NFIB: variants seen among roughly 807,000 people sequenced by gnomAD.
The protein encoded by NFIB is nuclear factor 1 B-type.
Under a neutral mutation model 61.5 loss-of-function variants are expected in NFIB, and 11 were observed. That is an observed-to-expected ratio of 0.18 (90% confidence interval 0.11 to 0.30). The LOEUF (loss-of-function observed/expected upper bound fraction) is 0.30, where lower values mean the gene tolerates loss of function less well. NFIB is among the 10% of genes least tolerant of loss of function. The pLI, the probability that NFIB is intolerant of heterozygous loss-of-function variation, is 1.00. For missense variants in NFIB, 471 were observed against 608.9 expected, an observed-to-expected ratio of 0.77 and a Z score of 2.38; for synonymous variants, 260 against 216.5, an observed-to-expected ratio of 1.20 and a Z score of -1.76.
intron 1 of NFIB, among the ~76,000 whole-genome samples, chr9:14,310,166 A>G (rs2060214215): frequency 6.6e-6 from 1 of 152,236 alleles, no homozygotes; most frequent in South Asian, 2.1e-4. Flanking sequence ...TTGAAGGTTG[A>G]ATTTGAAAAT....
At chr9:14,415,209 A>C in the NFIB span, among the ~76,000 whole-genome samples, 2 of 152,138 alleles carry the variant, frequency 1.3e-5, no homozygotes, top group Admixed American at 6.5e-5. Context: ...CTGGCTATTG[A>C]TTAGAGACTG....
chr9:14,387,195 C>T (rs1429619074), intron 1 of NFIB, among the ~76,000 whole-genome samples: 2 of 152,170 alleles, frequency 1.3e-5, no homozygotes, highest in Non-Finnish European at 2.9e-5. Flanking sequence ...ATTTTTTATA[C>T]TGGCTTTTGC....
intron 1 of NFIB, among the ~76,000 whole-genome samples, chr9:14,388,232 G>C (rs982959483): frequency 6.6e-6 from 1 of 152,090 alleles, no homozygotes; most frequent in Non-Finnish European, 1.5e-5. Context: ...ATGCAGCCAG[G>C]TGTGGTGGTA....
Position 14,113,089 on chromosome 9 carries a change from A to C in NFIB, c.1385-8T>G. On this transcript the variant is annotated splice_region_variant and splice_polypyrimidine_tract_variant and intron_variant, in intron 9 of 10. Transcript: ENST00000380953. ...TGCCTGAGGCTGTGTAGGCTGATTA[A>C]GGAAGAACAAAAACAAAGATAAAAA... 6.5e-7 allele frequency: 1 copy of C among 1,548,272 alleles called. No individual in the cohort carries two copies.
the NFIB span, among the ~76,000 whole-genome samples, chr9:14,498,205 T>C: frequency 6.6e-6 from 1 of 152,192 alleles, no homozygotes; most frequent in Non-Finnish European, 1.5e-5. Context: ...TCTCCAAAGT[T>C]TGTGCTCTTT....
chr9:14,409,641 C>A, the NFIB span, among the ~76,000 whole-genome samples: 1 of 152,196 alleles, frequency 6.6e-6, no homozygotes. Context: ...ACACAGCTCA[C>A]CTTTCCCCAC....
chr9:14,333,682 TGTC>T (rs1414122951), intron 1 of NFIB, among the ~76,000 whole-genome samples: 1 of 152,170 alleles, frequency 6.6e-6, no homozygotes, highest in Non-Finnish European at 1.5e-5. Flanking sequence ...AAAAAGAAAT[TGTC>T]GTGTGGTCAT....
intron 3 of NFIB, among the ~76,000 whole-genome samples, chr9:14,156,893 T>C (rs2043481148): frequency 2.6e-5 from 4 of 152,206 alleles, no homozygotes; most frequent in Admixed American, 2.6e-4. Context: ...GCAATTTGAC[T>C]GGATTTTACA....
chr9:14,236,928 T>C (rs1272427911), intron 2 of NFIB, among the ~76,000 whole-genome samples: 1 of 152,158 alleles, frequency 6.6e-6, no homozygotes, highest in Admixed American at 6.5e-5. Flanking sequence ...CCCTAAGTTC[T>C]TTCCTAACCC....
chr9:14,247,935 C>CTTTTTTTTTTT (rs1051234569), intron 2 of NFIB, among the ~76,000 whole-genome samples: 1 of 138,144 alleles, frequency 7.2e-6, no homozygotes, highest in Non-Finnish European at 1.6e-5. Context: ...TTCTTTTTTT[C>CTTTTTTTTTTT]TTTTTTTTTT....
rs140065451 is a variant in NFIB at position 14,298,583 on chromosome 9, A to T, written c.562+8406T>A. Among the ~76,000 whole-genome samples the T allele has an allele frequency of 2.5e-3, 386 of 152,260 alleles. 2 individuals carry two copies. The highest frequency in any genetic ancestry group is 8.4e-3 in the African/African-American group (350 of 41,556). On this transcript the variant is annotated intron_variant, in intron 2 of 10. Coordinates refer to ENST00000380953, the MANE Select transcript of NFIB (RefSeq NM_001190737.2). The stretch of plus-strand genomic sequence containing the variant: ...AATTTGTCCCCATCACTGTCAGCAA[A>T]CAAAAGAAAGTCACTTCTACAGCCA...
At chr9:14,349,077 G>C (rs1471221171) in intron 1 of NFIB, among the ~76,000 whole-genome samples, 1 of 152,238 alleles carries the variant, frequency 6.6e-6, no homozygotes, top group Admixed American at 6.5e-5. Context: ...TCTCGCACGA[G>C]TTGCTTGAGG....
chr9:14,474,874 T>A, the NFIB span, among the ~76,000 whole-genome samples: 1 of 152,186 alleles, frequency 6.6e-6, no homozygotes, highest in Non-Finnish European at 1.5e-5. Context: ...CACTGATATC[T>A]GAGGGCAGGA....
intron 1 of NFIB, among the ~76,000 whole-genome samples, chr9:14,366,490 T>C (rs1228391850): frequency 1.3e-5 from 2 of 152,084 alleles, no homozygotes; most frequent in Non-Finnish European, 1.5e-5. Flanking sequence ...TTTATTCTTT[T>C]TTTTTTTCTT....
rs1326615666 is a variant in NFIB, at chr9:14,092,087, G to T, written c.1468-3761C>A. On this transcript the variant is annotated intron_variant, in intron 10 of 10. Transcript: ENST00000380953. ...ATGGTCCTGCTTCATTTTGTTATTG[G>T]TAAGACTACCTCTGAAGTACTGTAT... is the stretch of plus-strand genomic sequence containing the variant. Among the ~76,000 whole-genome samples, 3 of 152,202 alleles carry T rather than the reference G, an allele frequency of 2.0e-5. No individual in the cohort carries two copies. The South Asian group carries it at 6.2e-4, about 31-fold the overall frequency.
chr9:14,151,161 G>T (rs2042827837), intron 4 of NFIB, among the ~76,000 whole-genome samples: 1 of 152,056 alleles, frequency 6.6e-6, no homozygotes. Context: ...AATGAAATAG[G>T]TAGTGATAAG....
At chr9:14,102,687 G>A (rs1457845778) in intron 10 of NFIB, among the ~76,000 whole-genome samples, 5 of 150,434 alleles carry the variant, frequency 3.3e-5, no homozygotes, top group Non-Finnish European at 7.4e-5. Context: ...AAAATTCCTA[G>A]ACTCTTTTTT....
At chr9:14,519,068 C>T in the NFIB span, among the ~76,000 whole-genome samples, 4 of 152,116 alleles carry the variant, frequency 2.6e-5, no homozygotes, top group African/African-American at 9.7e-5. Flanking sequence ...TAATGAACAG[C>T]TCATTTTTAA....
At chr9:14,529,863 T>C in the NFIB span, among the ~76,000 whole-genome samples, 2 of 152,220 alleles carry the variant, frequency 1.3e-5, no homozygotes, top group Admixed American at 1.3e-4. Context: ...ACACTCGGCA[T>C]CTTCTCAGCA....
Sources: allele counts gnomAD v4.1 joint callset (sites outside exome capture counted in the v4.1 genomes callset), GRCh38; gene constraint gnomAD v4.1.1; transcripts MANE v1.5; gene names NCBI Gene and HGNC (gene_info 2026-07-23, HGNC 2026-07-21).